Variants in KLHL6 observed in about 807,000 individuals in gnomAD.
KLHL6 encodes the protein kelch-like protein 6.
A neutral mutation model predicts 58.6 loss-of-function variants in KLHL6; 41 were observed. The observed-to-expected ratio is 0.70, with a 90% CI of 0.55 to 0.91. The LOEUF (loss-of-function observed/expected upper bound fraction) is 0.91, where lower values mean the gene tolerates loss of function less well. KLHL6 is among the 40% of genes least tolerant of loss of function. The pLI, the probability that KLHL6 is intolerant of heterozygous loss-of-function variation, is 0.00. For missense variants in KLHL6, 714 were observed against 805.6 expected (o/e 0.89, Z 1.38); for synonymous variants, 338 against 322.7 (o/e 1.05, Z -0.51).
chr3:183,503,447 C>T (rs1472601148), intron 3 of KLHL6, among the ~76,000 whole-genome samples: 1 of 152,180 alleles, frequency 6.6e-6, no homozygotes, highest in Non-Finnish European at 1.5e-5. Flanking sequence ...TCTAAAATTT[C>T]CTGTTGTTAA....
chr3:183,514,157 G>A (rs1208261871), intron 2 of KLHL6, among the ~76,000 whole-genome samples: 8 of 152,230 alleles, frequency 5.3e-5, no homozygotes, highest in East Asian at 1.9e-4. Context: ...GCTCATTGAA[G>A]CCGACAGACC....
intron 3 of KLHL6, among the ~76,000 whole-genome samples, chr3:183,504,084 A>G (rs765637431): frequency 6.6e-6 from 1 of 152,222 alleles, no homozygotes; most frequent in Non-Finnish European, 1.5e-5. Flanking sequence ...AAGGCCACAA[A>G]AACCTGAGAC....
At position 183,492,238 on chromosome 3, in the gene KLHL6, G is replaced by A. The variant is rs1382389389; in HGVS notation, c.1565-10C>T. 2 of 1,578,550 alleles carry A rather than the reference G, an allele frequency of 1.3e-6. No individual in the cohort carries two copies. Among genetic ancestry groups the A allele is most frequent in the Non-Finnish European group, 1.7e-6 (2 of 1,160,320 alleles). ...GCTCTCATGGCCCCACCTGAGGAGA[G>A]GGAGGAAACACGGTGGGCATCGCTC... On this transcript the variant is annotated splice_polypyrimidine_tract_variant and intron_variant, in intron 6 of 6. Coordinates refer to ENST00000341319, the MANE Select transcript of KLHL6 (RefSeq NM_130446.4). This position sits in a 1 kb window ranked among gnomAD's most constrained non-coding sequence, Gnocchi z 5.9.
rs755429174 is a variant in KLHL6, at chr3:183,555,455, T to A, written c.199A>T (p.Met67Leu). 6.2e-7 allele frequency: 1 copy of A among 1,614,162 alleles called. No homozygotes were observed. Among genetic ancestry groups the A allele is most frequent in the Non-Finnish European group, 8.5e-7 (1 of 1,180,018 alleles). The stretch of plus-strand genomic sequence containing the variant: ...ATGACATCTGTCAGAGCGTTTTCCA[T>A]TCGCAGGGTTTCCAGGCCATTCTGA... ...ILQNGLETLR[M>L]ENALTDVILC... Residue 67 changes from methionine (M) to leucine (L), a missense_variant, in exon 1 of 7, where the codon ATG (methionine) becomes TTG (leucine). Around this residue, in one of 2 missense-constraint regions of KLHL6, gnomAD observed 204 missense variants for 175.9 expected, o/e 1.16. Transcript: ENST00000341319.
chr3:183,531,439 C>CTG (rs1031773060), intron 1 of KLHL6, among the ~76,000 whole-genome samples: 5 of 134,778 alleles, frequency 3.7e-5, no homozygotes, highest in African/African-American at 5.9e-5. Context: ...CTTTTTTTGT[C>CTG]TGTGTTTTTT....
chr3:183,527,868 G>C lies in KLHL6; in HGVS notation c.436C>G (p.Leu146Val). 5.6e-6 allele frequency: 9 copies of C among 1,614,024 alleles called. No homozygotes were observed. The highest frequency in any genetic ancestry group is 6.8e-6 in the Non-Finnish European group (8 of 1,179,988). ...ACCTGGAAGAGGTTAGCAGCCTCCA[G>C]GACCCGCTGGACATTCTGCTTGGTG... ...LITKQNVQRV[L>V]EAANLFQFLR... The change falls in exon 2 of 7, where the codon CTG becomes GTG. Residue 146 changes from leucine to valine, a missense_variant. By Grantham distance (32) the Leu-to-Val change is conservative (BLOSUM62 1). This residue lies in a region of KLHL6 where 510 missense variants were observed against 629.7 expected (regional missense o/e 0.81). Coordinates refer to ENST00000341319, the MANE Select transcript of KLHL6 (RefSeq NM_130446.4).
At chr3:183,514,289 C>G (rs575882870) in intron 2 of KLHL6, among the ~76,000 whole-genome samples, 9 of 152,282 alleles carry the variant, frequency 5.9e-5, no homozygotes, top group Non-Finnish European at 1.2e-4. Flanking sequence ...GTCCTACCCC[C>G]ACCCCTTCAA....
chr3:183,541,432 T>C (rs1712548468), intron 1 of KLHL6, among the ~76,000 whole-genome samples: 1 of 152,190 alleles, frequency 6.6e-6, no homozygotes, highest in Non-Finnish European at 1.5e-5. Context: ...AGGCTTGACT[T>C]GAGCTAAAAT....
intron 1 of KLHL6, among the ~76,000 whole-genome samples, chr3:183,534,143 G>GTACTT (rs1553812603): frequency 1.2e-5 from 1 of 82,254 alleles, no homozygotes; most frequent in East Asian, 3.8e-4. Context: ...TACTTTTAAA[G>GTACTT]TACTTTAAAA....
At chr3:183,502,177 C>G (rs1717883220) in intron 3 of KLHL6, among the ~76,000 whole-genome samples, 1 of 152,034 alleles carries the variant, frequency 6.6e-6, no homozygotes, top group Non-Finnish European at 1.5e-5. Flanking sequence ...TGGCAGGCAC[C>G]TGTAATCCTA....
chr3:183,515,964 G>A (rs184477486), intron 2 of KLHL6, among the ~76,000 whole-genome samples: 49 of 152,304 alleles, frequency 3.2e-4, no homozygotes, highest in African/African-American at 1.1e-3. Flanking sequence ...GTAAAAAAGG[G>A]AAGGTGTTAG....
intron 1 of KLHL6, among the ~76,000 whole-genome samples, chr3:183,538,890 T>C (rs553068616): frequency 6.6e-6 from 1 of 152,336 alleles, no homozygotes; most frequent in South Asian, 2.1e-4. Flanking sequence ...GCTTACATCC[T>C]TGGCCTCAGA....
chr3:183,525,269 A>AAAAACACACACACAC (rs55871319), intron 2 of KLHL6, among the ~76,000 whole-genome samples: 2 of 133,868 alleles, frequency 1.5e-5, no homozygotes, highest in African/African-American at 5.5e-5. Flanking sequence ...CTAAAAAAAA[A>AAAAACACACACACAC]ACACACACAC....
chr3:183,555,510 T>G lies in KLHL6; in HGVS notation c.144A>C (p.Lys48Asn). 1.2e-6 allele frequency: 2 copies of G among 1,614,140 alleles called. No homozygotes were observed. Among genetic ancestry groups the G allele is most frequent in the Non-Finnish European group, 1.7e-6 (2 of 1,180,026 alleles). Residue 48 changes from lysine (K) to asparagine (N), a missense_variant, in exon 1 of 7, where the codon AAA becomes AAC. Physicochemically the swap from Lys to Asn is moderately conservative, Grantham distance 94. Around this residue, in one of 2 missense-constraint regions of KLHL6, gnomAD observed 204 missense variants for 175.9 expected, o/e 1.16. Coordinates refer to ENST00000341319, the MANE Select transcript of KLHL6 (RefSeq NM_130446.4). ...TTAAGGAGAGTCCCGCGTCGTCAAA[T>G]TTGACCTTTTCCCCATTTAAGATCT... Reference protein sequence around the residue: ...LVEILNGEKVKFDDAGLSLIL... With the variant: ...LVEILNGEKVNFDDAGLSLIL...
In KLHL6 at chr3:183,494,068, G is replaced by C. The variant is rs768308747; in HGVS notation, c.1350+11C>G. The C allele has an allele frequency of 2.3e-5, 37 of 1,610,104 alleles. No homozygotes were observed. Among genetic ancestry groups the C allele is most frequent in the Non-Finnish European group, 3.1e-5 (37 of 1,176,508 alleles). On this transcript the variant is annotated intron_variant, in intron 5 of 6. Coordinates refer to ENST00000341319, the MANE Select transcript of KLHL6 (RefSeq NM_130446.4). ...ATACAGGCAGTTACTGGTAGAAATC[G>C]TGTCCTATACCTCTGACCAGCAGTT... is the stretch of plus-strand genomic sequence containing the variant.
rs190695452 is a variant in KLHL6, at chr3:183,526,211, T to G, written c.459+1634A>C. ...CTGTAATCCCAGCTACTCGGGAGGC[T>G]GAGGCAGGAGAATTGCTTGAACCCA... On this transcript the variant is annotated intron_variant, in intron 2 of 6. Coordinates refer to ENST00000341319, the MANE Select transcript of KLHL6 (RefSeq NM_130446.4). Among the ~76,000 whole-genome samples, 3 of 152,278 alleles carry G rather than the reference T, an allele frequency of 2.0e-5. No individual in the cohort carries two copies. The East Asian group carries it at 5.8e-4, about 29-fold the overall frequency.
intron 1 of KLHL6, among the ~76,000 whole-genome samples, chr3:183,534,933 C>CATATATATAT (rs377650262): frequency 2.9e-5 from 4 of 137,852 alleles, no homozygotes; most frequent in African/African-American, 1.1e-4. Context: ...CATATATATA[C>CATATATATAT]ATATATATAT....
At chr3:183,530,821 T>G (rs1162597703) in intron 1 of KLHL6, among the ~76,000 whole-genome samples, 1 of 146,224 alleles carries the variant, frequency 6.8e-6, no homozygotes, top group African/African-American at 2.5e-5. Flanking sequence ...TACTCAGCTG[T>G]GAACATGCAT....
intron 2 of KLHL6, among the ~76,000 whole-genome samples, chr3:183,510,137 A>C (rs759424318): frequency 2.0e-5 from 3 of 152,228 alleles, no homozygotes; most frequent in African/African-American, 7.2e-5. Flanking sequence ...TCTCAAATGC[A>C]TTGGTTCATT....
Sources: gnomAD v4.1 joint callset for allele counts (sites outside exome capture counted in the v4.1 genomes callset) on GRCh38, gnomAD v4.1.1 for gene constraint, gnomAD v4.1.1 regional missense constraint, Gnocchi (gnomAD v3.1) non-coding constraint, MANE v1.5 for transcripts, NCBI Gene and HGNC (gene_info 2026-07-23, HGNC 2026-07-21) for gene names.